The following CNGB3 variants were observed in gnomAD, a reference collection of about 807,000 sequenced individuals.
CNGB3 encodes cyclic nucleotide-gated channel beta-3.
Under a neutral mutation model 92.8 loss-of-function variants are expected in CNGB3, and 86 were observed. The observed-to-expected ratio is 0.93, with a 90% CI of 0.78 to 1.11. CNGB3 has a LOEUF of 1.11. Ranked by LOEUF, CNGB3 falls within the 50% of genes least tolerant of loss-of-function variation. CNGB3 has a pLI of 0.00. For missense variants in CNGB3, 1,026 were observed against 956.8 expected (o/e 1.07, Z -0.95); for synonymous variants, 333 against 332.7 (o/e 1.00, Z -0.01).
chr8:86,633,049 G>A (rs967326868), intron 10 of CNGB3, among the ~76,000 whole-genome samples, 156 bp from the exon 11 acceptor site: 4 of 152,142 alleles, frequency 2.6e-5, no homozygotes, highest in Non-Finnish European at 4.4e-5. Flanking sequence ...GTGTGCTAAT[G>A]TAAACTTCTT....
In CNGB3 at chr8:86,692,028, A is replaced by G. The variant is rs530587705; in HGVS notation, c.339-20930T>C. 4.6e-5 allele frequency among the ~76,000 whole-genome samples: 7 copies of G among 152,268 alleles called. No homozygotes were observed. In the South Asian group the frequency reaches 6.2e-4, roughly 14 times the overall value. ...GGTGATTTAATTTTCATGTATTTGC[A>G]TGGCTTCGAGGGTTCCTTTTGGAAT... On this transcript the variant is annotated intron_variant, in intron 3 of 17. Coordinates refer to ENST00000320005, the MANE Select transcript of CNGB3 (RefSeq NM_019098.5).
At chr8:86,701,791 A>G (rs917950480) in intron 3 of CNGB3, among the ~76,000 whole-genome samples, 1 of 152,174 alleles carries the variant, frequency 6.6e-6, no homozygotes, top group African/African-American at 2.4e-5. Flanking sequence ...AAGTATTTTT[A>G]TACTCATTTG....
At chr8:86,725,483 C>A (rs1206800115) in intron 3 of CNGB3, among the ~76,000 whole-genome samples, 2 of 152,108 alleles carry the variant, frequency 1.3e-5, no homozygotes, top group Non-Finnish European at 2.9e-5. Flanking sequence ...CATCTCTCTG[C>A]CAAAATAATA....
chr8:86,608,037 C>T (rs529733392), intron 14 of CNGB3, among the ~76,000 whole-genome samples: 9 of 152,174 alleles, frequency 5.9e-5, no homozygotes, highest in Admixed American at 1.3e-4. Context: ...CTCCTGTGGG[C>T]GGCAAGCCAC....
At chr8:86,726,710 G>A in intron 2 of CNGB3, 53 bp from the exon 3 acceptor site, 2 of 1,600,058 alleles carry the variant, frequency 1.2e-6, no homozygotes, top group Admixed American at 3.3e-5. Context: ...TCTTGACCCA[G>A]CTATATTTGG....
intron 12 of CNGB3, among the ~76,000 whole-genome samples, chr8:86,628,248 T>C (rs1222151463): frequency 6.6e-6 from 1 of 152,144 alleles, no homozygotes; most frequent in African/African-American, 2.4e-5. Context: ...ATTCTGCTAA[T>C]TTTTGTATTT....
chr8:86,646,291 T>A (rs750015270), intron 8 of CNGB3, among the ~76,000 whole-genome samples: 16 of 151,006 alleles, frequency 1.1e-4, no homozygotes, highest in Non-Finnish European at 1.6e-4. Context: ...AAACCAGAAG[T>A]CTCTAGAGTT....
chr8:86,701,935 G>C (rs774581458), intron 3 of CNGB3, among the ~76,000 whole-genome samples: 6 of 152,032 alleles, frequency 3.9e-5, no homozygotes, highest in Non-Finnish European at 2.9e-5. Context: ...ACTATTCAAA[G>C]GAAGTTATTA....
chr8:86,605,310 T>C (rs1445857582), intron 14 of CNGB3, among the ~76,000 whole-genome samples: 1 of 152,192 alleles, frequency 6.6e-6, no homozygotes, highest in South Asian at 2.1e-4. Flanking sequence ...CCAAAAAGAA[T>C]AGATGTCTTA....
intron 15 of CNGB3, among the ~76,000 whole-genome samples, chr8:86,598,720 G>T (rs2131554135): frequency 6.6e-6 from 1 of 152,142 alleles, no homozygotes; most frequent in African/African-American, 2.4e-5. Flanking sequence ...GTCTTCACAT[G>T]GTCTTCTCCT....
intron 6 of CNGB3, chr8:86,661,848 TC>T: frequency 7.5e-7 from 1 of 1,334,164 alleles, no homozygotes; most frequent in Non-Finnish European, 1.1e-6. Context: ...TTCTGGACGT[TC>T]CAGAACTGAT....
chr8:86,628,831 T>C, intron 12 of CNGB3, 88 bp downstream of exon 12: 1 of 1,413,810 alleles, frequency 7.1e-7, no homozygotes, highest in Non-Finnish European at 1.0e-6. Flanking sequence ...AACCTTTTGT[T>C]CAAATCCAAC....
At position 86,600,582 on chromosome 8, in the gene CNGB3, A is replaced by T. The variant is rs140427374; in HGVS notation, c.1781+3511T>A. On this transcript the variant is annotated intron_variant, in intron 15 of 17. Transcript: ENST00000320005. ...TGTTTACGTAGCTGCTGGTGATATG[A>T]AGATGGATAAATTCTAGTTCCTTTT... Among the ~76,000 whole-genome samples, 672 of 151,920 alleles carry T rather than the reference A, an allele frequency of 4.4e-3. 8 individuals carry two copies. The highest frequency in any genetic ancestry group is 0.015 in the African/African-American group (642 of 41,470).
At chr8:86,683,550 C>T (rs115692611) in intron 3 of CNGB3, among the ~76,000 whole-genome samples, 3 of 152,248 alleles carry the variant, frequency 2.0e-5, no homozygotes, top group African/African-American at 7.2e-5. Flanking sequence ...CCTTAAGATG[C>T]AAACAGATGG....
intron 3 of CNGB3, among the ~76,000 whole-genome samples, chr8:86,692,371 G>A (rs1318366288): frequency 6.6e-6 from 1 of 152,008 alleles, no homozygotes; most frequent in Non-Finnish European, 1.5e-5. Context: ...TCATTTCTTA[G>A]GTCTATTAAT....
intron 2 of CNGB3, among the ~76,000 whole-genome samples, chr8:86,732,481 G>A (rs189295958): frequency 8.7e-4 from 132 of 152,290 alleles, no homozygotes; most frequent in Non-Finnish European, 1.6e-3. Flanking sequence ...AAAACACAGC[G>A]CTCATGAGAA....
intron 15 of CNGB3, among the ~76,000 whole-genome samples, chr8:86,596,961 G>A (rs1274875145): frequency 6.6e-6 from 1 of 151,714 alleles, no homozygotes; most frequent in Non-Finnish European, 1.5e-5. Flanking sequence ...TCACTCATAA[G>A]TGGGAGTTGA....
chr8:86,713,076 T>G (rs1824781059), intron 3 of CNGB3, among the ~76,000 whole-genome samples: 1 of 152,212 alleles, frequency 6.6e-6, no homozygotes, highest in Admixed American at 6.5e-5. Flanking sequence ...ATTTTCATTG[T>G]TGTATTTCCA....
chr8:86,592,535 A>T (rs147102667), intron 15 of CNGB3, among the ~76,000 whole-genome samples: 283 of 152,332 alleles, frequency 1.9e-3, no homozygotes, highest in African/African-American at 6.3e-3. Context: ...TTGCCTGGAG[A>T]TACATAGCTC....
Sources: allele counts gnomAD v4.1 joint callset (sites outside exome capture counted in the v4.1 genomes callset), GRCh38; gene constraint gnomAD v4.1.1; transcripts MANE v1.5; gene names NCBI Gene and HGNC (gene_info 2026-07-23, HGNC 2026-07-21).